Variants in PRUNE2 observed in about 807,000 individuals in gnomAD.
The protein encoded by PRUNE2 is prune homolog 2 with BCH domain, also known as protein prune homolog 2.
A neutral mutation model predicts 252.0 loss-of-function variants in PRUNE2; 164 were observed. The observed-to-expected ratio is 0.65, with a 90% CI of 0.57 to 0.74. PRUNE2 has a LOEUF of 0.74. PRUNE2 is among the 30% of genes least tolerant of loss of function. The probability of loss-of-function intolerance (pLI) is 0.00; values close to 1 mark genes in which losing one functional copy is unlikely to be tolerated. For missense variants in PRUNE2, 3,495 were observed against 3,711.0 expected (o/e 0.94, Z 1.51); for synonymous variants, 1,292 against 1,350.2 (o/e 0.96, Z 0.94).
intron 11 of PRUNE2, 184 bp from the exon 12 acceptor site, chr9:76,645,093 C>CCTG: frequency 1.8e-6 from 1 of 561,680 alleles, no homozygotes; most frequent in Non-Finnish European, 3.1e-6. Flanking sequence ...TAGCACTATC[C>CCTG]TGACCATATA....
At chr9:76,749,827 C>G (rs1207405231) in intron 6 of PRUNE2, among the ~76,000 whole-genome samples, 1 of 152,190 alleles carries the variant, frequency 6.6e-6, no homozygotes, top group Non-Finnish European at 1.5e-5. Flanking sequence ...CAGGGCATGA[C>G]AGATTTGCGT....
intron 6 of PRUNE2, chr9:76,785,966 T>C (rs1047391815): frequency 3.9e-5 from 6 of 152,188 alleles, no homozygotes; most frequent in African/African-American, 1.2e-4. Context: ...ACAATATGCA[T>C]AAATCTAACT....
At chr9:76,642,001 T>TAAAAAAAAAAAAAAAAGAAAAAAA in intron 12 of PRUNE2, 6 of 1,010,454 alleles carry the variant, frequency 5.9e-6, no homozygotes, top group East Asian at 2.8e-5. Context: ...ATAAGAGAAG[T>TAAAAAAAAAAAAAAAAGAAAAAAA]AAAAAAAAAA....
intron 4 of PRUNE2, among the ~76,000 whole-genome samples, chr9:76,842,583 A>C (rs1387110067): frequency 6.6e-6 from 1 of 152,192 alleles, no homozygotes; most frequent in African/African-American, 2.4e-5. Context: ...CAATCTATCC[A>C]CCTGACAAAG....
chr9:76,848,395 T>A (rs991645207), intron 3 of PRUNE2, among the ~76,000 whole-genome samples: 1 of 152,226 alleles, frequency 6.6e-6, no homozygotes, highest in African/African-American at 2.4e-5. Flanking sequence ...ATAAATATTA[T>A]TCAAAAAAAT....
intron 9 of PRUNE2, among the ~76,000 whole-genome samples, chr9:76,693,585 A>G (rs2045046407): frequency 1.3e-5 from 2 of 151,766 alleles, no homozygotes; most frequent in Non-Finnish European, 2.9e-5. Context: ...CTGGGACCAC[A>G]GGCGTGCACC....
chr9:76,867,353 G>A (rs988761787), intron 1 of PRUNE2, among the ~76,000 whole-genome samples: 2 of 151,992 alleles, frequency 1.3e-5, no homozygotes, highest in Admixed American at 6.6e-5. Context: ...ATCAGACCAC[G>A]CAAAACGATC....
At chr9:76,851,277 A>G (rs1194884885) in intron 2 of PRUNE2, among the ~76,000 whole-genome samples, 2 of 152,208 alleles carry the variant, frequency 1.3e-5, no homozygotes, top group Middle Eastern at 3.4e-3. Flanking sequence ...GCTGGGTGCG[A>G]TGGTTCATGC....
chr9:76,790,192 C>T (rs967094710), intron 6 of PRUNE2, among the ~76,000 whole-genome samples: 1 of 152,110 alleles, frequency 6.6e-6, no homozygotes, highest in East Asian at 1.9e-4. Flanking sequence ...TACTAGAAGG[C>T]GGTTTTCTAA....
chr9:76,806,214 G>A (rs1052319397), intron 6 of PRUNE2, among the ~76,000 whole-genome samples: 3 of 152,254 alleles, frequency 2.0e-5, no homozygotes, highest in Admixed American at 2.0e-4. Context: ...GGAGAGTGGG[G>A]CCTGGGAAAT....
chr9:76,782,256 C>G (rs2054497414), intron 6 of PRUNE2, among the ~76,000 whole-genome samples: 1 of 152,054 alleles, frequency 6.6e-6, no homozygotes, highest in African/African-American at 2.4e-5. Context: ...CCTAAATGGT[C>G]TACAGGCCAC....
rs566707585 is a variant in PRUNE2 at position 76,795,508 on chromosome 9, G to T, written c.756+28124C>A. On this transcript the variant is annotated intron_variant, in intron 6 of 18. Transcript: ENST00000376718. ...GACAGTTCACAATTCAACTTGTCTT[G>T]GTTTGTGATTCAACCTGATTTTGAG... Among the ~76,000 whole-genome samples, 6 of 152,210 alleles carry T rather than the reference G, an allele frequency of 3.9e-5. No homozygotes were observed. The East Asian group carries it at 9.7e-4, about 25-fold the overall frequency.
intron 9 of PRUNE2, among the ~76,000 whole-genome samples, chr9:76,660,200 A>G (rs890847335): frequency 1.3e-5 from 2 of 152,168 alleles, no homozygotes; most frequent in African/African-American, 4.8e-5. Flanking sequence ...GTCTCACAGC[A>G]TAAGGGACCT....
chr9:76,780,563 T>C (rs192871415), intron 6 of PRUNE2, among the ~76,000 whole-genome samples: 3,088 of 150,414 alleles, frequency 0.021, 95 homozygotes, highest in African/African-American at 0.063. Context: ...TGGTGGCGGG[T>C]GCCTGTAGTC....
intron 6 of PRUNE2, among the ~76,000 whole-genome samples, chr9:76,799,130 C>T (rs2056351943): frequency 1.3e-5 from 2 of 152,162 alleles, no homozygotes; most frequent in African/African-American, 4.8e-5. Flanking sequence ...CGCCTGAGGT[C>T]AGGAGTTTGA....
At chr9:76,730,350 T>C (rs61549639) in intron 6 of PRUNE2, among the ~76,000 whole-genome samples, 2,913 of 152,276 alleles carry the variant, frequency 0.019, 80 homozygotes, top group African/African-American at 0.066. Context: ...CCTCCTCACC[T>C]GTAGAAAAAA....
chr9:76,777,512 C>T (rs2053930575), intron 6 of PRUNE2, among the ~76,000 whole-genome samples: 2 of 152,284 alleles, frequency 1.3e-5, no homozygotes, highest in South Asian at 2.1e-4. Flanking sequence ...GGCAAGGACT[C>T]CTTTGCGCCT....
intron 6 of PRUNE2, among the ~76,000 whole-genome samples, chr9:76,756,195 C>T (rs759618452): frequency 6.6e-6 from 1 of 152,202 alleles, no homozygotes; most frequent in Non-Finnish European, 1.5e-5. Context: ...AATGAGAGGT[C>T]ATGTAAGTGC....
At chr9:76,882,585 G>A (rs2061849389) in intron 1 of PRUNE2, among the ~76,000 whole-genome samples, 1 of 152,178 alleles carries the variant, frequency 6.6e-6, no homozygotes, top group African/African-American at 2.4e-5. Flanking sequence ...AGAAAGCGGG[G>A]AGCAAAGCGT....
Sources: allele counts gnomAD v4.1 joint callset (sites outside exome capture counted in the v4.1 genomes callset), GRCh38; gene constraint gnomAD v4.1.1; transcripts MANE v1.5; gene names NCBI Gene and HGNC (gene_info 2026-07-23, HGNC 2026-07-21).